Variants in ULK1 observed in about 807,000 individuals in gnomAD.
ULK1 encodes unc-51 like autophagy activating kinase 1, also known as serine/threonine-protein kinase ULK1.
In ULK1, 48 loss-of-function variants were observed where a neutral mutation model predicts 117.5. The ratio of observed to expected loss-of-function variants is 0.41; its 90% CI spans 0.32 to 0.52. The LOEUF is 0.52. Among genes scored for constraint, ULK1 ranks in the 20% least tolerant of loss-of-function variants. ULK1 has a pLI of 0.29. For synonymous variants in ULK1, 790 were observed against 637.8 expected, an observed-to-expected ratio of 1.24 and a Z score of -3.60; for missense variants, 1,387 against 1,473.4, an observed-to-expected ratio of 0.94 and a Z score of 0.96.
chr12:131,916,894 G>T, intron 20 of ULK1, 59 bp from the exon 21 acceptor site: 1 of 1,476,728 alleles, frequency 6.8e-7, no homozygotes, highest in Non-Finnish European at 9.2e-7. Context: ...GGGACCTCTC[G>T]AGGTCCAGTT....
At chr12:131,908,405 A>C (rs1327625689) in intron 5 of ULK1, among the ~76,000 whole-genome samples, 2 of 151,968 alleles carry the variant, frequency 1.3e-5, no homozygotes, top group Non-Finnish European at 2.9e-5. Flanking sequence ...TCTCTGGAGC[A>C]GCTGCAGCCC....
intron 3 of ULK1, among the ~76,000 whole-genome samples, chr12:131,898,658 C>T (rs951149384): frequency 1.6e-4 from 24 of 151,578 alleles, no homozygotes; most frequent in African/African-American, 3.9e-4. Flanking sequence ...CCTGCCACCA[C>T]GCTAGGCTAA....
At chr12:131,920,970 C>A in intron 26 of ULK1, 130 bp from the exon 27 acceptor site, 1 of 1,304,980 alleles carries the variant, frequency 7.7e-7, no homozygotes, top group Non-Finnish European at 1.0e-6. Context: ...TGCACCAGCA[C>A]TTATGTCTCC....
At chr12:131,905,756 G>A (rs1217549955) in intron 3 of ULK1, among the ~76,000 whole-genome samples, 2 of 152,176 alleles carry the variant, frequency 1.3e-5, no homozygotes, top group Admixed American at 1.3e-4. Flanking sequence ...GGGAGTGAGT[G>A]GTGGGCTACA....
In ULK1 at chr12:131,917,081, C is replaced by CTTGGAGGCTGTGGGATGGGGG. The variant is rs1889831042; in HGVS notation, c.2182+20_2182+21insTGGAGGCTGTGGGATGGGGGT. ...GAGATCGGTGTGTGGGTGGGTGGGG[C>CTTGGAGGCTGTGGGATGGGGG]TCGGAGGCTGTGGGATGGGGGTCGG... On this transcript the variant is annotated intron_variant, in intron 21 of 27. Coordinates refer to ENST00000321867, the MANE Select transcript of ULK1 (RefSeq NM_003565.4). 1 of 1,197,534 alleles carries CTTGGAGGCTGTGGGATGGGGG rather than the reference C, an allele frequency of 8.4e-7. No individual in the cohort carries two copies. The highest frequency in any genetic ancestry group is 1.1e-6 in the Non-Finnish European group (1 of 897,080). 74.2% of individuals were successfully genotyped at this position (1,197,534 alleles called of 1,614,324 possible).
rs1368958807 is a variant in ULK1, at chr12:131,903,672, A to G, written c.247-3220A>G. On this transcript the variant is annotated intron_variant, in intron 3 of 27. Transcript: ENST00000321867. The surrounding 1 kb of genome is among the most constrained non-coding windows in gnomAD (Gnocchi z 6.0). ...TGCCCCCACCCTACCCTGCAGCCCC[A>G]CCCCCAGTGGCCTTGAGTCACCTGC... Among the ~76,000 whole-genome samples, 2 of 150,904 alleles carry G rather than the reference A, an allele frequency of 1.3e-5. No individual in the cohort carries two copies. The highest frequency in any genetic ancestry group is 3.0e-5 in the Non-Finnish European group (2 of 67,740).
chr12:131,919,932 GC>G (rs1890074712), intron 25 of ULK1, 46 bp from the exon 26 acceptor site: 2 of 1,594,782 alleles, frequency 1.3e-6, no homozygotes, highest in Non-Finnish European at 1.7e-6. Flanking sequence ...CTCCAGCCCT[GC>G]CCCGTGTCTG....
chr12:131,918,204 T>C (rs955796377), intron 22 of ULK1: 5 of 500,718 alleles, frequency 1.0e-5, no homozygotes, highest in African/African-American at 9.8e-5. Flanking sequence ...GCTGCCCTCC[T>C]CCCAGGCAGA....
At chr12:131,901,446 G>A (rs761051976) in intron 3 of ULK1, among the ~76,000 whole-genome samples, 12 of 152,162 alleles carry the variant, frequency 7.9e-5, no homozygotes, top group Non-Finnish European at 1.2e-4. Flanking sequence ...CCTGTGTGGC[G>A]TAGCAAGCGC....
At position 131,914,457 on chromosome 12, in the gene ULK1, C is replaced by G. The variant is rs777407961; in HGVS notation, c.1353C>G (p.Pro451=). The change falls in exon 16 of 28, where the codon CCC becomes CCG. Residue 451 remains proline, a synonymous_variant. Transcript: ENST00000321867. ...YQRIERNLQS[P]TQFQTPRSSA... is the part of the protein sequence containing the mutation. The stretch of plus-strand genomic sequence containing the variant: ...GCATTGAGCGAAACCTGCAGTCACC[C>G]ACCCAGTTCCAAACACCTCGGTGAG... The G allele has an allele frequency of 3.1e-6, 5 of 1,612,562 alleles. No homozygotes were observed. Among genetic ancestry groups the G allele is most frequent in the Non-Finnish European group, 4.2e-6 (5 of 1,179,902 alleles).
At chr12:131,912,879 C>T (rs894758240) in intron 13 of ULK1, among the ~76,000 whole-genome samples, 1 of 152,206 alleles carries the variant, frequency 6.6e-6, no homozygotes, top group African/African-American at 2.4e-5. Context: ...TGACCTCCCC[C>T]GCCCATCCTG....
chr12:131,906,098 T>C (rs769769843), intron 3 of ULK1, among the ~76,000 whole-genome samples: 81 of 151,894 alleles, frequency 5.3e-4, no homozygotes, highest in Admixed American at 1.2e-3. Context: ...TCTGTTGGCG[T>C]CTTCTTTTTT....
intron 3 of ULK1, among the ~76,000 whole-genome samples, chr12:131,900,539 A>G (rs1168447155): frequency 6.6e-6 from 1 of 152,182 alleles, no homozygotes; most frequent in Non-Finnish European, 1.5e-5. Context: ...GAGTGCGGCC[A>G]CCACAGAAAT....
rs1226381069 is a variant in ULK1 at position 131,922,967 on chromosome 12, C to T, written c.*1606C>T. On this transcript the variant is annotated 3_prime_UTR_variant, in exon 28 of 28. Coordinates refer to ENST00000321867, the MANE Select transcript of ULK1 (RefSeq NM_003565.4). ...GCCCGGTGTCCTGGTCCTCTTGCTT[C>T]CGTCGCGGCCGCATGTGCGTGTGTC... 3 of 152,294 alleles carry T rather than the reference C, an allele frequency of 2.0e-5. No individual in the cohort carries two copies. The highest frequency in any genetic ancestry group is 2.9e-5 in the Non-Finnish European group (2 of 68,050). The allele number at this position is 152,294 out of a possible 1,614,324, so 9.4% of individuals were successfully genotyped here.
chr12:131,917,301 GTT>G lies in ULK1; in HGVS notation c.2183-109_2183-108del, dbSNP rs150930930. 2.3e-5 allele frequency: 6 copies of G among 262,414 alleles called. 1 individual carries two copies. The South Asian group carries it at 2.9e-4, about 13-fold the overall frequency. The allele number at this position is 262,414 out of a possible 1,614,324, so 16.3% of individuals were successfully genotyped here. On this transcript the variant is annotated intron_variant, in intron 21 of 27. Transcript: ENST00000321867. ...TCGGCTCGGAGGCTGTGGGACGGGG[GTT>G]GGGGGGAGCTCGGAGGCCGTGGGAT...
In ULK1 at chr12:131,914,283, C is replaced by G. The variant is rs910057311; in HGVS notation, c.1248-69C>G. On this transcript the variant is annotated intron_variant, in intron 15 of 27. Coordinates refer to ENST00000321867, the MANE Select transcript of ULK1 (RefSeq NM_003565.4). ...CTGGGCCTAGGCTTTCTTCTGGTGCCCCAGCTCCATGACCTCAGCCTCTTG... is the reference window on the plus strand; with the variant it reads ...CTGGGCCTAGGCTTTCTTCTGGTGCGCCAGCTCCATGACCTCAGCCTCTTG... 3 of 1,575,876 alleles carry G rather than the reference C, an allele frequency of 1.9e-6. No individual in the cohort carries two copies. The African/African-American group carries it at 4.0e-5, about 21-fold the overall frequency.
chr12:131,910,033 C>T (rs375735310), intron 10 of ULK1, 32 bp downstream of exon 10: 18 of 1,607,410 alleles, frequency 1.1e-5, no homozygotes, highest in Admixed American at 1.7e-5. Context: ...AGCTGGAGTC[C>T]CCCACCCTCC....
chr12:131,908,407 C>T (rs1341195686), intron 5 of ULK1, among the ~76,000 whole-genome samples: 1 of 152,098 alleles, frequency 6.6e-6, no homozygotes, highest in African/African-American at 2.4e-5. Flanking sequence ...TCTGGAGCAG[C>T]TGCAGCCCGG....
At chr12:131,900,872 G>A (rs1889057534) in intron 3 of ULK1, among the ~76,000 whole-genome samples, 1 of 152,150 alleles carries the variant, frequency 6.6e-6, no homozygotes, top group African/African-American at 2.4e-5. Context: ...GGAGGGGGCT[G>A]CCAGGCCTGG....
Sources: allele counts gnomAD v4.1 joint callset (sites outside exome capture counted in the v4.1 genomes callset), GRCh38; gene constraint gnomAD v4.1.1; non-coding constraint Gnocchi (gnomAD v3.1); transcripts MANE v1.5; gene names NCBI Gene and HGNC (gene_info 2026-07-23, HGNC 2026-07-21).